PSG5: variants seen among roughly 807,000 people sequenced by gnomAD.
PSG5 encodes the protein pregnancy-specific beta-1-glycoprotein 5.
Under a neutral mutation model 37.7 loss-of-function variants are expected in PSG5, and 53 were observed. The observed-to-expected ratio is 1.41, with a 90% CI of 1.13 to 1.77. The LOEUF is 1.77. PSG5 is among the 40% of genes most tolerant of loss of function. The probability of loss-of-function intolerance (pLI) is 0.00; values close to 1 mark genes in which losing one functional copy is unlikely to be tolerated. For missense variants in PSG5, 547 were observed against 405.2 expected (o/e 1.35, Z -3.00); for synonymous variants, 221 against 155.4 (o/e 1.42, Z -3.14).
At position 43,186,498 on chromosome 19, in the gene PSG5, T is replaced by C. The variant is rs1966948445; in HGVS notation, c.-93A>G. On this transcript the variant is annotated 5_prime_UTR_variant, in exon 1 of 6. Transcript: ENST00000342951. The stretch of plus-strand genomic sequence containing the variant: ...CTGTAGGCTGTGCTGTCCTTCCTCC[T>C]TCTGTGCTGAGCCTCTCTCCAGGGC... 1 of 1,573,364 alleles carries C rather than the reference T, an allele frequency of 6.4e-7. No individual in the cohort carries two copies. The highest frequency in any genetic ancestry group is 1.7e-4 in the Middle Eastern group (1 of 5,860).
chr19:43,176,641 T>G (rs1969018133), intron 2 of PSG5, among the ~76,000 whole-genome samples: 2 of 151,210 alleles, frequency 1.3e-5, no homozygotes. Flanking sequence ...CTGAGCAGTC[T>G]GGCCTGGGAC....
chr19:43,181,810 C>G (rs1348339765), intron 2 of PSG5, among the ~76,000 whole-genome samples: 9 of 151,700 alleles, frequency 5.9e-5, no homozygotes, highest in African/African-American at 2.2e-4. Context: ...TTTTTACTTA[C>G]TGTTAGAACC....
intron 2 of PSG5, among the ~76,000 whole-genome samples, chr19:43,181,615 C>A (rs138587482): frequency 1.3e-5 from 2 of 151,684 alleles, no homozygotes; most frequent in Admixed American, 6.6e-5. Context: ...TCCGCCACCA[C>A]GCCCAGCTAA....
chr19:43,173,504 C>G (rs1488261465), intron 4 of PSG5, among the ~76,000 whole-genome samples: 1 of 151,644 alleles, frequency 6.6e-6, no homozygotes, highest in Non-Finnish European at 1.5e-5. Flanking sequence ...AAGTCAACAA[C>G]AGCAAACATC....
At chr19:43,169,789 G>T (rs1167349281) in intron 5 of PSG5, among the ~76,000 whole-genome samples, 5 of 151,468 alleles carry the variant, frequency 3.3e-5, no homozygotes, top group Admixed American at 6.6e-5. Context: ...AATGAAGAGG[G>T]TTTCACCATG....
intron 5 of PSG5, among the ~76,000 whole-genome samples, chr19:43,168,517 T>C (rs1468294643): frequency 2.0e-5 from 3 of 151,434 alleles, no homozygotes; most frequent in Non-Finnish European, 4.4e-5. Context: ...TACAGGTGCC[T>C]GCCACCACGC....
rs370941779 is a variant in PSG5, at chr19:43,184,856, G to A, written c.356C>T (p.Ser119Phe). 1.2e-6 allele frequency: 2 copies of A among 1,612,524 alleles called. No individual in the cohort carries two copies. The highest frequency in any genetic ancestry group is 3.3e-5 in the Admixed American group (2 of 59,876). The part of the protein sequence containing the change: ...IQNVTREDAG[S>F]YTLHIIKRGD... The stretch of plus-strand genomic sequence containing the variant: ...TCGCTTTATGATGTGTAAGGTGTAG[G>A]ATCCTGCGTCTTCCCGGGTGACATT... The change falls in exon 2 of 6, where the codon TCC (serine) becomes TTC (phenylalanine). Residue 119 changes from serine (S) to phenylalanine (F), a missense_variant. Transcript: ENST00000342951.
At chr19:43,170,253 A>T in intron 4 of PSG5, 115 bp from the exon 5 acceptor site, 1 of 988,252 alleles carries the variant, frequency 1.0e-6, no homozygotes. Context: ...CAAGTACTAC[A>T]TTATTCCTCT....
chr19:43,182,951 G>T (rs942972437), intron 2 of PSG5, among the ~76,000 whole-genome samples: 8 of 149,942 alleles, frequency 5.3e-5, no homozygotes, highest in Non-Finnish European at 1.0e-4. Context: ...TTCCTGGGAG[G>T]TGGGCCAGGC....
chr19:43,169,567 T>C (rs1421172931), intron 5 of PSG5, among the ~76,000 whole-genome samples: 1 of 151,640 alleles, frequency 6.6e-6, no homozygotes, highest in African/African-American at 2.4e-5. Context: ...GAAGGCTTAC[T>C]AAATAGAAGA....
At position 43,170,062 on chromosome 19, in the gene PSG5, T is replaced by C. The variant is rs143777313; in HGVS notation, c.*33A>G. The stretch of plus-strand genomic sequence containing the variant: ...GAGAAAAGGCCATCATACCTGCCAG[T>C]CTTCCTGAAATACAGAAATGACTTC... On this transcript the variant is annotated 3_prime_UTR_variant, in exon 5 of 6. Coordinates refer to ENST00000342951, the MANE Select transcript of PSG5 (RefSeq NM_002781.4). The C allele has an allele frequency of 2.1e-3, 3,241 of 1,537,546 alleles. 43 individuals are homozygous for C. Among genetic ancestry groups the C allele is most frequent in the Non-Finnish European group, 2.7e-3 (2,979 of 1,118,990 alleles).
intron 2 of PSG5, 122 bp from the exon 3 acceptor site, chr19:43,176,270 C>A: frequency 1.4e-6 from 2 of 1,477,706 alleles, no homozygotes; most frequent in Non-Finnish European, 9.2e-7. Context: ...AAGCCAGTAG[C>A]TGATGCATGT....
chr19:43,175,595 T>C (rs1645004681), intron 3 of PSG5, 126 bp from the exon 4 acceptor site: 4 of 1,455,714 alleles, frequency 2.7e-6, no homozygotes, highest in Non-Finnish European at 3.7e-6. Flanking sequence ...GAACCCCCAC[T>C]ATATTCACTG....
chr19:43,183,947 A>G, intron 2 of PSG5, among the ~76,000 whole-genome samples: 1 of 151,566 alleles, frequency 6.6e-6, no homozygotes, highest in East Asian at 1.9e-4. Flanking sequence ...ATGTTAAATG[A>G]TTCAGTCACC....
chr19:43,185,780 G>A (rs553477796), intron 1 of PSG5, among the ~76,000 whole-genome samples: 1 of 151,062 alleles, frequency 6.6e-6, no homozygotes, highest in East Asian at 1.9e-4. Flanking sequence ...TGAGGACAGT[G>A]TTTCATGTCC....
At chr19:43,182,089 G>A (rs1413748568) in intron 2 of PSG5, among the ~76,000 whole-genome samples, 1 of 151,638 alleles carries the variant, frequency 6.6e-6, no homozygotes, top group Non-Finnish European at 1.5e-5. Flanking sequence ...TCATTCCTGG[G>A]CATAGGCCAG....
chr19:43,181,160 C>T (rs1023520480), intron 2 of PSG5, among the ~76,000 whole-genome samples: 1 of 151,558 alleles, frequency 6.6e-6, no homozygotes, highest in Non-Finnish European at 1.5e-5. Flanking sequence ...GGCAGTAAAA[C>T]CATTAGATAG....
chr19:43,183,468 G>C, intron 2 of PSG5: 1 of 529,492 alleles, frequency 1.9e-6, no homozygotes. Context: ...TGCTGGAGCA[G>C]GGTCTGAGTG....
intron 2 of PSG5, chr19:43,183,255 G>A (rs914021933): frequency 4.7e-5 from 16 of 340,972 alleles, no homozygotes; most frequent in African/African-American, 3.1e-4. Context: ...CATGAGGTGG[G>A]GTGGCTTTAG....
Sources: gnomAD v4.1 joint callset for allele counts (sites outside exome capture counted in the v4.1 genomes callset) on GRCh38, gnomAD v4.1.1 for gene constraint, MANE v1.5 for transcripts, NCBI Gene and HGNC (gene_info 2026-07-23, HGNC 2026-07-21) for gene names.